Variants in DAB1 observed in about 807,000 individuals in gnomAD.
The protein encoded by DAB1 is disabled homolog 1.
Under a neutral mutation model 64.6 loss-of-function variants are expected in DAB1, and 15 were observed. The observed-to-expected ratio is 0.23, with a 90% CI of 0.16 to 0.36. The LOEUF is 0.36. DAB1 is among the 10% of genes least tolerant of loss of function. DAB1 has a pLI of 1.00. For synonymous variants in DAB1, 235 were observed against 251.9 expected, an observed-to-expected ratio of 0.93 and a Z score of 0.64; for missense variants, 596 against 706.7, an observed-to-expected ratio of 0.84 and a Z score of 1.78.
chr1:57,210,551 G>C (rs546861833), intron 2 of DAB1, among the ~76,000 whole-genome samples: 1 of 152,248 alleles, frequency 6.6e-6, no homozygotes, highest in South Asian at 2.1e-4. Flanking sequence ...AGTCTCATTA[G>C]TGGTATACCA....
intron 6 of DAB1, among the ~76,000 whole-genome samples, chr1:57,801,913 T>G (rs1219523559): frequency 6.6e-6 from 1 of 152,142 alleles, no homozygotes; most frequent in Non-Finnish European, 1.5e-5. Flanking sequence ...CCGCCTTGGC[T>G]CCCCAAAGTG....
At chr1:58,088,951 C>G (rs2100607050) in intron 5 of DAB1, among the ~76,000 whole-genome samples, 1 of 152,314 alleles carries the variant, frequency 6.6e-6, no homozygotes, top group East Asian at 1.9e-4. Flanking sequence ...GGAAAGGCAG[C>G]ACAGTGGAGA....
Position 57,553,544 on chromosome 1 carries a change from C to T in DAB1, n.625+96048G>A, listed in dbSNP as rs1011043107. Among the ~76,000 whole-genome samples the T allele has an allele frequency of 3.9e-4, 58 of 149,070 alleles. 1 individual carries two copies. The highest frequency in any genetic ancestry group is 6.4e-4 in the Non-Finnish European group (43 of 67,112). On this transcript the variant is annotated intron_variant and non_coding_transcript_variant, in intron 7 of 20. Coordinates refer to the DAB1 transcript ENST00000485760. ...AAGAGGCATGTACAACAAATTCAGACCACTAGGAAAACAACTTAAAAGCCT... is the reference window on the plus strand; with the variant it reads ...AAGAGGCATGTACAACAAATTCAGATCACTAGGAAAACAACTTAAAAGCCT...
At chr1:57,937,625 A>G (rs1434735066) in intron 5 of DAB1, among the ~76,000 whole-genome samples, 1 of 152,214 alleles carries the variant, frequency 6.6e-6, no homozygotes, top group Admixed American at 6.5e-5. Flanking sequence ...CAGAGCTTTT[A>G]TAAAGCCCCT....
intron 1 of DAB1, among the ~76,000 whole-genome samples, chr1:57,414,877 T>C (rs1684373732): frequency 6.6e-6 from 1 of 151,944 alleles, no homozygotes. Context: ...ATGGAAAGAG[T>C]TACTACATTT....
intron 7 of DAB1, among the ~76,000 whole-genome samples, chr1:57,570,554 C>A (rs1256663309): frequency 6.6e-6 from 1 of 152,020 alleles, no homozygotes; most frequent in East Asian, 1.9e-4. Flanking sequence ...TATACCAGTA[C>A]CATGCTGTTT....
intron 4 of DAB1, among the ~76,000 whole-genome samples, chr1:58,332,902 T>TTTTA (rs35503929): frequency 0.2 from 30,925 of 151,222 alleles, 3,553 homozygotes; most frequent in East Asian, 0.61. Context: ...CCTTTTAAAA[T>TTTTA]TTTATTTATT....
At chr1:57,215,755 C>T (rs1666377399) in intron 2 of DAB1, among the ~76,000 whole-genome samples, 1 of 152,230 alleles carries the variant, frequency 6.6e-6, no homozygotes, top group Non-Finnish European at 1.5e-5. Context: ...TAGGCAGGCA[C>T]TTGGTTTCTT....
At chr1:57,525,683 T>A (rs1218011659) in intron 7 of DAB1, among the ~76,000 whole-genome samples, 1 of 152,060 alleles carries the variant, frequency 6.6e-6, no homozygotes, top group Non-Finnish European at 1.5e-5. Context: ...AATAGATAGT[T>A]TCAAAAGTGT....
intron 2 of DAB1, chr1:58,506,298 T>C (rs560587141): frequency 5.3e-5 from 36 of 674,362 alleles, no homozygotes; most frequent in Admixed American, 2.5e-4. Context: ...AATTCTATTA[T>C]AATTATACTT....
chr1:57,852,404 A>T (rs1045572191), intron 1 of DAB1, among the ~76,000 whole-genome samples: 5 of 152,080 alleles, frequency 3.3e-5, no homozygotes, highest in African/African-American at 1.2e-4. Context: ...CTAAACACTC[A>T]TCTGTATTTC....
At chr1:58,333,110 A>G (rs1039041775) in intron 4 of DAB1, among the ~76,000 whole-genome samples, 7 of 152,104 alleles carry the variant, frequency 4.6e-5, no homozygotes, top group African/African-American at 1.4e-4. Flanking sequence ...GGGGTTCACC[A>G]TATTGGCTAG....
intron 7 of DAB1, among the ~76,000 whole-genome samples, chr1:57,520,674 T>C (rs1644515270): frequency 6.6e-6 from 1 of 152,262 alleles, no homozygotes; most frequent in Admixed American, 6.5e-5. Flanking sequence ...TTTCTTTTTT[T>C]GTATATATTC....
chr1:57,125,450 C>T (rs1204903354), intron 4 of DAB1, among the ~76,000 whole-genome samples: 1 of 152,044 alleles, frequency 6.6e-6, no homozygotes. Flanking sequence ...TCTTCTATAG[C>T]AGGTTATACT....
chr1:58,382,035 C>A (rs1019115231), intron 3 of DAB1, among the ~76,000 whole-genome samples: 1 of 152,204 alleles, frequency 6.6e-6, no homozygotes, highest in Admixed American at 6.5e-5. Context: ...GCATTTGAAC[C>A]TTTGACTTTA....
chr1:57,667,389 T>C (rs1209680420), intron 6 of DAB1, among the ~76,000 whole-genome samples: 1 of 152,146 alleles, frequency 6.6e-6, no homozygotes, highest in Non-Finnish European at 1.5e-5. Flanking sequence ...TCTCTCCTCC[T>C]GTGTTCTTCT....
intron 6 of DAB1, among the ~76,000 whole-genome samples, chr1:57,741,042 TTCTCTGA>T (rs1382576515): frequency 6.6e-6 from 1 of 152,166 alleles, no homozygotes; most frequent in African/African-American, 2.4e-5. Flanking sequence ...CTGGAAAGCC[TTCTCTGA>T]TCCCATAGGC....
intron 5 of DAB1, among the ~76,000 whole-genome samples, chr1:57,894,066 C>A (rs1644356653): frequency 6.6e-6 from 1 of 152,118 alleles, no homozygotes; most frequent in South Asian, 2.1e-4. Flanking sequence ...GGGCAGCCAA[C>A]CCCAAGGGAA....
chr1:57,918,065 C>T (rs1644753609), intron 5 of DAB1, among the ~76,000 whole-genome samples: 1 of 89,186 alleles, frequency 1.1e-5, no homozygotes, highest in South Asian at 3.1e-4. Context: ...GAGACTCCGT[C>T]TCAATAAATA....
Sources: gnomAD v4.1 joint callset for allele counts (sites outside exome capture counted in the v4.1 genomes callset) on GRCh38, gnomAD v4.1.1 for gene constraint, MANE v1.5 for transcripts, NCBI Gene and HGNC (gene_info 2026-07-23, HGNC 2026-07-21) for gene names.